MYOM3: variants seen among roughly 807,000 people sequenced by gnomAD.
The protein encoded by MYOM3 is myomesin-3.
A neutral mutation model predicts 191.7 loss-of-function variants in MYOM3; 155 were observed. The observed-to-expected ratio is 0.81, with a 90% CI of 0.71 to 0.92. The LOEUF (loss-of-function observed/expected upper bound fraction) is 0.92, where lower values mean the gene tolerates loss of function less well. Among genes scored for constraint, MYOM3 ranks in the 40% least tolerant of loss-of-function variants. The pLI, the probability that MYOM3 is intolerant of heterozygous loss-of-function variation, is 0.00. For synonymous variants in MYOM3, 757 were observed against 762.9 expected (o/e 0.99, Z 0.13); for missense variants, 1,889 against 1,890.6 (o/e 1.00, Z 0.02).
rs566951640 is a variant in MYOM3 at position 24,074,597 on chromosome 1, G to C, written c.2859-328C>G. Among the ~76,000 whole-genome samples the C allele has an allele frequency of 1.3e-4, 20 of 152,322 alleles. 1 individual carries two copies. Among genetic ancestry groups the C allele is most frequent in the Middle Eastern group, 6.8e-3 (2 of 294 alleles). ...AGCCGCTGGGGGAGGATGAGACATG[G>C]GGGCATGTGACAGGGGCCCTTGTGG... On this transcript the variant is annotated intron_variant, in intron 22 of 36. Coordinates refer to ENST00000374434, the MANE Select transcript of MYOM3 (RefSeq NM_152372.4).
chr1:24,092,386 G>C, intron 10 of MYOM3, 71 bp from the exon 11 acceptor site: 1 of 1,277,288 alleles, frequency 7.8e-7, no homozygotes, highest in East Asian at 2.8e-5. Flanking sequence ...TCCCACTCCC[G>C]CCCAGCATCC....
At chr1:24,060,325 C>T (rs1010518700) in intron 35 of MYOM3, among the ~76,000 whole-genome samples, 32 of 152,200 alleles carry the variant, frequency 2.1e-4, no homozygotes, top group African/African-American at 7.5e-4. Flanking sequence ...GAGCCTGAGG[C>T]CTGCACTTCC....
At chr1:24,061,149 A>T in intron 34 of MYOM3, 67 bp from the exon 35 acceptor site, 1 of 1,610,122 alleles carries the variant, frequency 6.2e-7, no homozygotes. Context: ...GCCCAGGTGG[A>T]GGTGAGGGGT....
At position 24,094,930 on chromosome 1, in the gene MYOM3, T is replaced by G; in HGVS notation, c.851A>C (p.Glu284Ala). ...GCATGACAGGGAGAAGGGTTCCTTC[T>G]CACGAGCAAAGACTGGCTTCAGCAC... Reference protein sequence around the residue: ...TSVLKPVFAREKEPFSLSCLF... With the variant: ...TSVLKPVFARAKEPFSLSCLF... The change falls in exon 9 of 37, where the codon GAG becomes GCG. Residue 284 changes from glutamate to alanine, a missense_variant. Transcript: ENST00000374434. The G allele has an allele frequency of 1.9e-6, 3 of 1,614,072 alleles. No individual in the cohort carries two copies. Among genetic ancestry groups the G allele is most frequent in the Non-Finnish European group, 2.5e-6 (3 of 1,179,972 alleles).
In MYOM3 at chr1:24,057,247, T is replaced by A. The variant is rs1643312844; in HGVS notation, c.*117A>T. On this transcript the variant is annotated 3_prime_UTR_variant, in exon 37 of 37. Transcript: ENST00000374434. The stretch of plus-strand genomic sequence containing the variant: ...CCCCACCCTCACATCCTGGGTTCTA[T>A]CTTGTCCCCTTTCCTTCTGCCCCAC... 1 of 1,050,500 alleles carries A rather than the reference T, an allele frequency of 9.5e-7. No individual in the cohort carries two copies. Among genetic ancestry groups the A allele is most frequent in the East Asian group, 2.5e-5 (1 of 39,648 alleles). The allele number at this position is 1,050,500 out of a possible 1,614,324, so 65.1% of individuals were successfully genotyped here.
At position 24,071,192 on chromosome 1, in the gene MYOM3, C is replaced by T; in HGVS notation, c.3075G>A (p.Trp1025Ter). The change falls in exon 25 of 37, where the codon TGG becomes TGA. Residue 1025 changes from tryptophan to a stop codon, truncating the protein, a stop_gained. Coordinates refer to ENST00000374434, the MANE Select transcript of MYOM3 (RefSeq NM_152372.4). LOFTEE classifies it high-confidence loss of function. ...CTGGAGATAACTTTTCTACTTCCAG[C>T]CAAAGCCGCACCTCCCCTCGCTCCA... ...DILERGEVRLWLEVEKLSPAA... is the reference protein window; with the variant it reads ...DILERGEVRL The T allele has an allele frequency of 1.2e-6, 2 of 1,614,114 alleles. No homozygotes were observed. Among genetic ancestry groups the T allele is most frequent in the Non-Finnish European group, 1.7e-6 (2 of 1,179,986 alleles).
At chr1:24,095,037 C>G (rs755928037) in intron 8 of MYOM3, 47 bp from the exon 9 acceptor site, 1 of 1,591,310 alleles carries the variant, frequency 6.3e-7, no homozygotes, top group Non-Finnish European at 8.6e-7. Context: ...AGGCAGCCAG[C>G]CTGGCCTGGG....
chr1:24,092,929 G>T lies in MYOM3; in HGVS notation c.1090+18C>A. On this transcript the variant is annotated intron_variant, in intron 10 of 36. Coordinates refer to ENST00000374434, the MANE Select transcript of MYOM3 (RefSeq NM_152372.4). The stretch of plus-strand genomic sequence containing the variant: ...CTCTGGGCTCCTGCTGCTACCCTGC[G>T]CCCACCCATGCCCTCACCTCTCACA... 1 of 1,515,592 alleles carries T rather than the reference G, an allele frequency of 6.6e-7. No individual in the cohort carries two copies. Among genetic ancestry groups the T allele is most frequent in the Non-Finnish European group, 8.8e-7 (1 of 1,132,946 alleles). The allele number at this position is 1,515,592 out of a possible 1,614,324, so 93.9% of individuals were successfully genotyped here.
intron 23 of MYOM3, among the ~76,000 whole-genome samples, chr1:24,073,681 G>A (rs913762109): frequency 4.0e-5 from 6 of 151,892 alleles, no homozygotes; most frequent in African/African-American, 1.5e-4. Context: ...TGGCTAATAC[G>A]GTGAAACCCC....
intron 1 of MYOM3, among the ~76,000 whole-genome samples, chr1:24,110,267 C>T (rs1289588014): frequency 6.6e-6 from 1 of 152,196 alleles, no homozygotes; most frequent in Admixed American, 6.5e-5. Context: ...CCTTGGCCTG[C>T]TCCTGTCAGC....
chr1:24,061,234 G>A (rs1160121143), intron 34 of MYOM3, 39 bp downstream of exon 34: 5 of 1,612,806 alleles, frequency 3.1e-6, no homozygotes, highest in Non-Finnish European at 4.2e-6. Context: ...ACCCTGAAGG[G>A]GCCTATAATT....
chr1:24,057,477 C>G lies in MYOM3; in HGVS notation c.4201G>C (p.Asp1401His). 1.9e-6 allele frequency: 3 copies of G among 1,614,264 alleles called. No individual in the cohort carries two copies. The highest frequency in any genetic ancestry group is 2.5e-6 in the Non-Finnish European group (3 of 1,180,056). Residue 1401 changes from aspartate (D) to histidine (H), a missense_variant, in exon 37 of 37, where the codon GAC becomes CAC. Physicochemically the swap from Asp to His is moderately conservative, Grantham distance 81. Transcript: ENST00000374434. ...TITIEKVNSE[D>H]SGRYGVFVKN... ...ACGAAGACGCCGTAGCGGCCGCTGT[C>G]TTCACTGTTGACCTTCTCAATGGTG...
rs548947825 is a variant in MYOM3, at chr1:24,060,585, G to A, written c.3994+475C>T. ...CACCAGGCCGCTTAGAACTGGCTTG[G>A]GTTGGGAGGTGATGAATGGGACAAG... is the stretch of plus-strand genomic sequence containing the variant. On this transcript the variant is annotated intron_variant, in intron 35 of 36. Transcript: ENST00000374434. 9.2e-5 allele frequency among the ~76,000 whole-genome samples: 14 copies of A among 152,306 alleles called. 1 individual carries two copies. The South Asian group carries it at 2.7e-3, about 29-fold the overall frequency.
chr1:24,101,776 T>C (rs1205329385), intron 5 of MYOM3, among the ~76,000 whole-genome samples: 4 of 152,172 alleles, frequency 2.6e-5, no homozygotes, highest in Non-Finnish European at 5.9e-5. Flanking sequence ...TTTTTCTTAA[T>C]GTCCTCTGGT....
chr1:24,082,229 G>A, intron 17 of MYOM3, 41 bp from the exon 18 acceptor site: 1 of 1,528,836 alleles, frequency 6.5e-7, no homozygotes, highest in Non-Finnish European at 8.8e-7. Flanking sequence ...GCTCCCTAGG[G>A]GTGGCTGGAT....
At chr1:24,067,258 A>T (rs1302944134) in intron 27 of MYOM3, among the ~76,000 whole-genome samples, 170 bp from the exon 28 acceptor site, 6 of 149,318 alleles carry the variant, frequency 4.0e-5, no homozygotes, top group African/African-American at 1.5e-4. Context: ...CTCAGAGCGC[A>T]AATTTCTTTC....
intron 5 of MYOM3, among the ~76,000 whole-genome samples, chr1:24,100,978 T>C (rs1315109516): frequency 1.3e-5 from 2 of 151,892 alleles, no homozygotes; most frequent in African/African-American, 4.8e-5. Context: ...TATTCTCCAA[T>C]AGCCATTCTC....
intron 32 of MYOM3, among the ~76,000 whole-genome samples, chr1:24,062,500 G>A (rs1019990686): frequency 6.6e-6 from 1 of 152,156 alleles, no homozygotes; most frequent in Non-Finnish European, 1.5e-5. Context: ...TCTCCATAGA[G>A]TGGGTGCAGT....
At position 24,090,950 on chromosome 1, in the gene MYOM3, C is replaced by T. The variant is rs200218911; in HGVS notation, c.1279G>A (p.Gly427Arg). Residue 427 changes from glycine (G) to arginine (R), a missense_variant, in exon 12 of 37, where the codon GGA (glycine) becomes AGA (arginine). Transcript: ENST00000374434. Reference protein sequence around the residue: ...GEWIACHEAPGGTCRCPIQGL... With the variant: ...GEWIACHEAPRGTCRCPIQGL... ...TGGATTGGGCACCGACAAGTCCCTC[C>T]GGGGGCCTCATGGCAGGCGATCCAT... The T allele has an allele frequency of 8.9e-5, 143 of 1,614,092 alleles. 1 individual carries two copies. The highest frequency in any genetic ancestry group is 1.7e-4 in the Admixed American group (10 of 60,010).
Sources: gnomAD v4.1 joint callset for allele counts (sites outside exome capture counted in the v4.1 genomes callset) on GRCh38, gnomAD v4.1.1 for gene constraint, MANE v1.5 for transcripts, NCBI Gene and HGNC (gene_info 2026-07-23, HGNC 2026-07-21) for gene names.